Variants in SPOP observed in about 807,000 individuals in gnomAD.
SPOP encodes the protein speckle-type POZ protein.
Under a neutral mutation model 45.6 loss-of-function variants are expected in SPOP, and 11 were observed. That is an observed-to-expected ratio of 0.24 (90% CI 0.15 to 0.40). The LOEUF is 0.40. Ranked by LOEUF, SPOP falls within the 10% of genes least tolerant of loss-of-function variation. SPOP has a pLI of 1.00. For missense variants in SPOP, 152 were observed against 465.6 expected (o/e 0.33, Z 6.20); for synonymous variants, 166 against 166.3 (o/e 1.00, Z 0.01).
chr17:49,625,027 C>T (rs971751771), intron 1 of SPOP, among the ~76,000 whole-genome samples: 4 of 152,068 alleles, frequency 2.6e-5, no homozygotes, highest in African/African-American at 9.7e-5. Flanking sequence ...GTGTAGAGTG[C>T]ACCACAATCT....
chr17:49,614,802 AGTGTGTGTGT>A (rs60134980), intron 5 of SPOP, among the ~76,000 whole-genome samples: 29,572 of 146,992 alleles, frequency 0.2, 3,509 homozygotes, highest in South Asian at 0.31. Context: ...CATGCTATGA[AGTGTGTGTGT>A]GTGTGTGTGT....
At chr17:49,615,844 C>T (rs538572457) in intron 5 of SPOP, among the ~76,000 whole-genome samples, 2 of 152,248 alleles carry the variant, frequency 1.3e-5, no homozygotes, top group South Asian at 4.1e-4. Context: ...TAGTTTGCTG[C>T]ACAATGTTAG....
intron 1 of SPOP, among the ~76,000 whole-genome samples, chr17:49,651,280 G>T (rs1484824628): frequency 6.6e-6 from 1 of 152,102 alleles, no homozygotes; most frequent in Admixed American, 6.6e-5. Context: ...TATCAGAAAC[G>T]ATACTAGAAA....
At chr17:49,629,182 C>T (rs774481769) in intron 1 of SPOP, among the ~76,000 whole-genome samples, 2 of 151,878 alleles carry the variant, frequency 1.3e-5, no homozygotes, top group Non-Finnish European at 2.9e-5. Context: ...GCAGAGGTTG[C>T]AGAGAGCCGA....
intron 1 of SPOP, among the ~76,000 whole-genome samples, chr17:49,651,078 A>C (rs1218497466): frequency 1.3e-5 from 2 of 152,220 alleles, no homozygotes; most frequent in Non-Finnish European, 2.9e-5. Context: ...TGAGGAAAAA[A>C]AGAGATGTTG....
chr17:49,634,926 TG>T (rs2072516049), intron 1 of SPOP, among the ~76,000 whole-genome samples: 1 of 152,222 alleles, frequency 6.6e-6, no homozygotes, highest in African/African-American at 2.4e-5. Context: ...CAACTGATTA[TG>T]TTCAGCATTA....
chr17:49,669,295 G>A (rs894680031), intron 1 of SPOP, among the ~76,000 whole-genome samples: 32 of 144,184 alleles, frequency 2.2e-4, no homozygotes, highest in African/African-American at 7.0e-4. Flanking sequence ...TTGAACTCCC[G>A]ACCTCAGGTG....
chr17:49,666,902 G>T (rs1422016996), intron 1 of SPOP, among the ~76,000 whole-genome samples: 3 of 152,134 alleles, frequency 2.0e-5, no homozygotes, highest in African/African-American at 7.2e-5. Flanking sequence ...TAAAGGGCTG[G>T]GCGTGGTGGC....
In SPOP at chr17:49,619,146, G is replaced by A. The variant is rs575257727; in HGVS notation, c.353-38C>T. On this transcript the variant is annotated intron_variant, in intron 4 of 9. Coordinates refer to ENST00000504102, the MANE Select transcript of SPOP (RefSeq NM_001007228.2). This position sits in a 1 kb window ranked among gnomAD's most constrained non-coding sequence, Gnocchi z 4.9. ...AAAAAAAAGTCATATTTAAGGTTAC[G>A]CAAAAACCAGATCAAAGCCACAACT... 6.2e-6 allele frequency: 10 copies of A among 1,613,242 alleles called. No individual in the cohort carries two copies. The highest frequency in any genetic ancestry group is 2.7e-5 in the African/African-American group (2 of 74,864).
At chr17:49,618,879 T>G (rs1230893711) in intron 5 of SPOP, 102 bp downstream of exon 5, 1 of 1,388,780 alleles carries the variant, frequency 7.2e-7, no homozygotes, top group East Asian at 2.3e-5. Flanking sequence ...CTACTCCACT[T>G]GGGGCTTTTT....
chr17:49,671,699 A>G (rs550447039), intron 1 of SPOP, among the ~76,000 whole-genome samples: 1 of 152,270 alleles, frequency 6.6e-6, no homozygotes, highest in Admixed American at 6.5e-5. Flanking sequence ...ATTTACCTCA[A>G]TTTTTTAGTA....
At chr17:49,634,108 C>T (rs963370766) in intron 1 of SPOP, among the ~76,000 whole-genome samples, 2 of 151,978 alleles carry the variant, frequency 1.3e-5, no homozygotes, top group South Asian at 2.1e-4. Flanking sequence ...GACAGGAATC[C>T]GAATCAGGAA....
intron 1 of SPOP, among the ~76,000 whole-genome samples, chr17:49,657,696 CTTTT>C (rs34194099): frequency 9.9e-6 from 1 of 100,954 alleles, no homozygotes; most frequent in Non-Finnish European, 2.1e-5. Context: ...CGCACCCGGC[CTTTT>C]TTTTTTTTTT....
At chr17:49,621,450 T>C (rs1268661929) in intron 3 of SPOP, among the ~76,000 whole-genome samples, 2 of 152,244 alleles carry the variant, frequency 1.3e-5, no homozygotes, top group African/African-American at 4.8e-5. Flanking sequence ...TACAGTTACA[T>C]AAGCAAATAA....
intron 5 of SPOP, among the ~76,000 whole-genome samples, chr17:49,616,823 G>A (rs2072096835): frequency 6.6e-6 from 1 of 152,240 alleles, no homozygotes; most frequent in Admixed American, 6.5e-5. Context: ...GATGGCATCA[G>A]CAGAACCCAG....
Position 49,642,252 on chromosome 17 carries a change from A to C in SPOP, c.-66-19376T>G, listed in dbSNP as rs80208880. On this transcript the variant is annotated intron_variant, in intron 1 of 9. Transcript: ENST00000504102. ...GTCAGAAAAAAAAGGTTTTTAAAAG[A>C]AAGAATCATGCAAAAAAATATATAA... Among the ~76,000 whole-genome samples, 492 of 152,270 alleles carry C rather than the reference A, an allele frequency of 3.2e-3. 1 individual carries two copies. The highest frequency in any genetic ancestry group is 0.011 in the African/African-American group (471 of 41,552).
chr17:49,653,647 T>A (rs543137652), intron 1 of SPOP, among the ~76,000 whole-genome samples: 1 of 151,940 alleles, frequency 6.6e-6, no homozygotes, highest in South Asian at 2.1e-4. Context: ...ACTTCCAATG[T>A]GACTCCCACT....
At chr17:49,612,991 G>A (rs1444237480) in intron 5 of SPOP, 1 of 152,128 alleles carries the variant, frequency 6.6e-6, no homozygotes, top group African/African-American at 2.4e-5. Flanking sequence ...TTATTCATTT[G>A]TTTAAAACTA....
chr17:49,623,357 G>A (rs1280448198), intron 1 of SPOP, among the ~76,000 whole-genome samples: 1 of 152,124 alleles, frequency 6.6e-6, no homozygotes, highest in Non-Finnish European at 1.5e-5. Flanking sequence ...CTAATGTAAA[G>A]TAGTCACCTA....
Sources: gnomAD v4.1 joint callset for allele counts (sites outside exome capture counted in the v4.1 genomes callset) on GRCh38, gnomAD v4.1.1 for gene constraint, Gnocchi (gnomAD v3.1) non-coding constraint, MANE v1.5 for transcripts, NCBI Gene and HGNC (gene_info 2026-07-23, HGNC 2026-07-21) for gene names.